Variants in LRIF1 observed in about 807,000 individuals in gnomAD.
The protein encoded by LRIF1 is ligand dependent nuclear receptor interacting factor 1.
A neutral mutation model predicts 52.7 loss-of-function variants in LRIF1; 32 were observed. That is an observed-to-expected ratio of 0.61 (90% CI 0.46 to 0.82). The LOEUF is 0.82. LRIF1 is among the 40% of genes least tolerant of loss of function. The pLI is 0.00. For missense variants in LRIF1, 887 were observed against 892.0 expected, an observed-to-expected ratio of 0.99 and a Z score of 0.07; for synonymous variants, 323 against 317.4, an observed-to-expected ratio of 1.02 and a Z score of -0.19.
At chr1:110,921,691 G>A in the LRIF1 span, among the ~76,000 whole-genome samples, 1 of 152,112 alleles carries the variant, frequency 6.6e-6, no homozygotes, top group Non-Finnish European at 1.5e-5. Context: ...AAATAGACAA[G>A]TAGATAATTA....
the LRIF1 span, among the ~76,000 whole-genome samples, chr1:110,890,790 T>G: frequency 1.4e-4 from 22 of 152,218 alleles, no homozygotes; most frequent in African/African-American, 5.1e-4. Context: ...GCTGTAAGAC[T>G]GTTGTCTTCT....
chr1:110,927,262 G>C, the LRIF1 span, among the ~76,000 whole-genome samples: 6 of 152,160 alleles, frequency 3.9e-5, no homozygotes, highest in Admixed American at 3.9e-4. Context: ...GTGTGAGTCT[G>C]TATGTGTGTG....
the LRIF1 span, among the ~76,000 whole-genome samples, chr1:110,921,133 G>T: frequency 1.3e-5 from 2 of 152,140 alleles, no homozygotes; most frequent in African/African-American, 4.8e-5. Flanking sequence ...AATAACATTT[G>T]AATTGTGAGG....
the LRIF1 span, among the ~76,000 whole-genome samples, chr1:110,908,190 A>T: frequency 6.6e-6 from 1 of 152,236 alleles, no homozygotes; most frequent in Non-Finnish European, 1.5e-5. Context: ...GATGTAAAAG[A>T]CAAATATAGA....
At chr1:110,957,042 CCT>C (rs1351536305) in intron 1 of LRIF1, among the ~76,000 whole-genome samples, 8 of 152,204 alleles carry the variant, frequency 5.3e-5, no homozygotes, top group South Asian at 2.1e-4. Context: ...CTGTGTACAA[CCT>C]CTGTTTCTCT....
chr1:110,951,354 T>C lies in LRIF1; in HGVS notation c.1530A>G (p.Ile510Met). 6.2e-7 allele frequency: 1 copy of C among 1,614,132 alleles called. No homozygotes were observed. ...CAGTTGTTGCATCAACAGAGGAACT[T>C]ATTTTCTCTATGCTCTGGAGGACAC... ...KGSVLQSIEKISSSVDATTVT... is the reference protein window; with the variant it reads ...KGSVLQSIEKMSSSVDATTVT... The change falls in exon 2 of 4, where the codon ATA (isoleucine) becomes ATG (methionine). Residue 510 changes from isoleucine (I) to methionine (M), a missense_variant. By Grantham distance (10) the Ile-to-Met change is conservative. Coordinates refer to ENST00000369763, the MANE Select transcript of LRIF1 (RefSeq NM_018372.4).
At chr1:110,917,849 T>A in the LRIF1 span, among the ~76,000 whole-genome samples, 1 of 152,068 alleles carries the variant, frequency 6.6e-6, no homozygotes, top group African/African-American at 2.4e-5. Context: ...CACCATCTTA[T>A]TCATAACATA....
intron 2 of LRIF1, 93 bp downstream of exon 2, chr1:110,951,195 G>A: frequency 9.6e-7 from 1 of 1,041,242 alleles, no homozygotes; most frequent in Non-Finnish European, 1.4e-6. Context: ...TTGGCAGTGG[G>A]GGAAAGAGGT....
At chr1:110,878,430 T>C in the LRIF1 span, among the ~76,000 whole-genome samples, 2 of 152,312 alleles carry the variant, frequency 1.3e-5, no homozygotes, top group South Asian at 4.1e-4. Flanking sequence ...AATCTGTATA[T>C]AGAGAAATGT....
At chr1:110,916,855 C>T in the LRIF1 span, among the ~76,000 whole-genome samples, 2 of 152,258 alleles carry the variant, frequency 1.3e-5, no homozygotes, top group African/African-American at 2.4e-5. Flanking sequence ...AAACTGTCAA[C>T]TCATAAGGAA....
the LRIF1 span, chr1:110,891,537 T>TTC: frequency 8.1e-7 from 1 of 1,241,314 alleles, no homozygotes; most frequent in Non-Finnish European, 1.2e-6. Context: ...CTCATTCCTC[T>TTC]ACTGAAGAGG....
At chr1:110,882,712 A>G in the LRIF1 span, among the ~76,000 whole-genome samples, 2 of 152,032 alleles carry the variant, frequency 1.3e-5, no homozygotes, top group Non-Finnish European at 2.9e-5. Context: ...ATATCTCTCC[A>G]TTATTTGCAT....
chr1:110,945,283 T>C (rs993606484), downstream of LRIF1: 2 of 152,194 alleles, frequency 1.3e-5, no homozygotes, highest in East Asian at 1.9e-4. Context: ...AGAAAGGATA[T>C]ATAAGGTATT....
chr1:110,952,972 A>G, intron 1 of LRIF1, 157 bp from the exon 2 acceptor site: 1 of 325,182 alleles, frequency 3.1e-6, no homozygotes, highest in Non-Finnish European at 5.2e-6. Flanking sequence ...AAATATTTTG[A>G]AGTAGAAGAG....
chr1:110,958,560 TATG>T (rs1219896751), intron 1 of LRIF1, among the ~76,000 whole-genome samples: 1 of 152,212 alleles, frequency 6.6e-6, no homozygotes, highest in Non-Finnish European at 1.5e-5. Flanking sequence ...TAGTATTTTA[TATG>T]ATGTCTATAT....
the LRIF1 span, among the ~76,000 whole-genome samples, chr1:110,904,727 G>A: frequency 1.3e-5 from 2 of 151,976 alleles, no homozygotes; most frequent in East Asian, 1.9e-4. Flanking sequence ...TTCTATGCTC[G>A]GACACTAAAG....
chr1:110,950,319 C>T (rs536321186), intron 2 of LRIF1, among the ~76,000 whole-genome samples, 196 bp from the exon 3 acceptor site: 11 of 152,276 alleles, frequency 7.2e-5, no homozygotes, highest in African/African-American at 2.6e-4. Flanking sequence ...TTCCCCCCTA[C>T]AATTTCTCAA....
At chr1:110,946,866 A>G (rs973170119), downstream of LRIF1, among the ~76,000 whole-genome samples, 2 of 152,088 alleles carry the variant, frequency 1.3e-5, no homozygotes, top group African/African-American at 4.8e-5. Flanking sequence ...CATGTTGGCC[A>G]GGCTTGTCTC....
chr1:110,883,411 A>G, the LRIF1 span, among the ~76,000 whole-genome samples: 20 of 152,034 alleles, frequency 1.3e-4, no homozygotes, highest in East Asian at 3.9e-3. Context: ...CCATTTGTTC[A>G]TAATTTCTTA....
Sources: allele counts gnomAD v4.1 joint callset (sites outside exome capture counted in the v4.1 genomes callset), GRCh38; gene constraint gnomAD v4.1.1; transcripts MANE v1.5; gene names NCBI Gene and HGNC (gene_info 2026-07-23, HGNC 2026-07-21).